Variants in PRMT9 observed in about 807,000 individuals in gnomAD.
The protein encoded by PRMT9 is protein arginine N-methyltransferase 9.
Under a neutral mutation model 83.2 loss-of-function variants are expected in PRMT9, and 59 were observed. That is an observed-to-expected ratio of 0.71 (90% CI 0.57 to 0.88). The LOEUF is 0.88. PRMT9 is among the 40% of genes least tolerant of loss of function. PRMT9 has a pLI of 0.00. For synonymous variants in PRMT9, 333 were observed against 353.2 expected (o/e 0.94, Z 0.64); for missense variants, 947 against 1,021.9 (o/e 0.93, Z 1.00).
At position 147,660,939 on chromosome 4, in the gene PRMT9, A is replaced by C. The variant is rs138913888; in HGVS notation, c.1053T>G (p.Pro351=). 5.7e-5 allele frequency: 92 copies of C among 1,613,120 alleles called. No homozygotes were observed. The African/African-American group carries it at 1.1e-3, about 20-fold the overall frequency. The change falls in exon 7 of 12, where the codon CCT becomes CCG. Residue 351 remains proline (P), a synonymous_variant. Transcript: ENST00000322396. ...SSVDTEETIE[P]YTTEKMSRVP... ...CTCGACTCATCTTTTCAGTTGTATA[A>C]GGTTCAATTGTTTCTTCAGTATCTA...
At chr4:147,681,800 C>T (rs1736488315) in intron 1 of PRMT9, among the ~76,000 whole-genome samples, 1 of 151,416 alleles carries the variant, frequency 6.6e-6, no homozygotes, top group Non-Finnish European at 1.5e-5. Context: ...AAAAAAAACC[C>T]CGCACAGATT....
At position 147,657,837 on chromosome 4, in the gene PRMT9, C is replaced by T; in HGVS notation, c.1285G>A (p.Glu429Lys). Residue 429 changes from glutamate to lysine, a missense_variant, in exon 8 of 12, where the codon GAA becomes AAA. Glu to Lys is a moderately conservative substitution (Grantham distance 56). Coordinates refer to ENST00000322396, the MANE Select transcript of PRMT9 (RefSeq NM_138364.4). ...EHSLSTSPSE[E>K]TCWEQAVYPV... Reference sequence around the variant, plus strand: ...TAGACAGCCTGTTCCCAACATGTTTCCTCACTAGGACTTGTGGATAAACTA... The same window carrying T: ...TAGACAGCCTGTTCCCAACATGTTTTCTCACTAGGACTTGTGGATAAACTA... The T allele has an allele frequency of 6.8e-6, 11 of 1,611,586 alleles. No homozygotes were observed. The highest frequency in any genetic ancestry group is 9.3e-6 in the Non-Finnish European group (11 of 1,179,670).
chr4:147,653,747 TCTTGA>T (rs748609949), intron 9 of PRMT9, 100 bp downstream of exon 9: 3 of 787,662 alleles, frequency 3.8e-6, no homozygotes, highest in Non-Finnish European at 6.3e-6. Context: ...CATACAGTGA[TCTTGA>T]CTTATTTTTA....
Position 147,673,105 on chromosome 4 carries a change from T to C in PRMT9, c.597A>G (p.Gly199=), listed in dbSNP as rs775547711. 2.5e-6 allele frequency: 4 copies of C among 1,613,990 alleles called. No individual in the cohort carries two copies. The South Asian group carries it at 3.3e-5, about 13-fold the overall frequency. The part of the protein sequence containing the change: ...GILSMFAKKA[G]AHSVYACELS... Reference sequence around the variant, plus strand: ...ACTCACAGGCATACACGGAATGTGCTCCAGCTTTTTTAGCAAACATGCTAC... The same window carrying C: ...ACTCACAGGCATACACGGAATGTGCCCCAGCTTTTTTAGCAAACATGCTAC... Residue 199 remains glycine, a synonymous_variant, in exon 4 of 12, where the codon GGA becomes GGG. Transcript: ENST00000322396.
At chr4:147,669,100 T>C (rs1471182350) in intron 5 of PRMT9, among the ~76,000 whole-genome samples, 1 of 150,406 alleles carries the variant, frequency 6.6e-6, no homozygotes, top group Non-Finnish European at 1.5e-5. Flanking sequence ...AAAAAAAAAG[T>C]ATTTTTGGCC....
intron 6 of PRMT9, among the ~76,000 whole-genome samples, chr4:147,668,142 A>G (rs1380430349): frequency 1.3e-5 from 2 of 152,204 alleles, no homozygotes; most frequent in East Asian, 3.8e-4. Context: ...ATAGTCACTT[A>G]CTGATATGGT....
chr4:147,673,507 T>G (rs1432751371), intron 3 of PRMT9, 131 bp downstream of exon 3: 1 of 720,486 alleles, frequency 1.4e-6, no homozygotes, highest in Non-Finnish European at 2.4e-6. Flanking sequence ...AACATAATAG[T>G]TACATAAATA....
intron 2 of PRMT9, among the ~76,000 whole-genome samples, chr4:147,678,968 C>T (rs1337838545): frequency 6.6e-6 from 1 of 152,222 alleles, no homozygotes; most frequent in Non-Finnish European, 1.5e-5. Flanking sequence ...ATGGTGAGGC[C>T]TGTGAGCCCT....
chr4:147,654,240 G>T lies in PRMT9; in HGVS notation c.1657C>A (p.Leu553Met). The part of the protein sequence containing the change: ...KVLSSLTPEK[L>M]YQTMDTHCQN... ...CAGTGAGTATCCATGGTCTGATACA[G>T]TTTCTCTGGAGTCAGTGAAGACAAA... The change falls in exon 9 of 12, where the codon CTG (leucine) becomes ATG (methionine). Residue 553 changes from leucine to methionine, a missense_variant. By Grantham distance (15) the Leu-to-Met change is conservative. Coordinates refer to ENST00000322396, the MANE Select transcript of PRMT9 (RefSeq NM_138364.4). The T allele has an allele frequency of 6.2e-7, 1 of 1,614,184 alleles. No homozygotes were observed. The highest frequency in any genetic ancestry group is 8.5e-7 in the Non-Finnish European group (1 of 1,180,014).
At chr4:147,658,126 C>A in intron 7 of PRMT9, 151 bp from the exon 8 acceptor site, 1 of 596,336 alleles carries the variant, frequency 1.7e-6, no homozygotes, top group South Asian at 2.2e-5. Flanking sequence ...ATGTAAGGCC[C>A]ACTGGTTGGG....
At chr4:147,656,771 C>CAAAAAAAAAAAAAAAAAAAAAAAAA (rs1023416920) in intron 8 of PRMT9, among the ~76,000 whole-genome samples, 5 of 47,950 alleles carry the variant, frequency 1.0e-4, no homozygotes, top group Non-Finnish European at 1.3e-4. Flanking sequence ...GACTCTGTCT[C>CAAAAAAAAAAAAAAAAAAAAAAAAA]AAAAAAAAAA....
chr4:147,676,791 G>A (rs976767356), intron 2 of PRMT9, among the ~76,000 whole-genome samples: 1 of 151,894 alleles, frequency 6.6e-6, no homozygotes, highest in Non-Finnish European at 1.5e-5. Flanking sequence ...CATGTCTTTG[G>A]GCGCCACTTT....
chr4:147,663,671 A>G (rs1417414376), intron 6 of PRMT9, among the ~76,000 whole-genome samples: 2 of 152,090 alleles, frequency 1.3e-5, no homozygotes, highest in African/African-American at 4.8e-5. Context: ...CAGCCAGACA[A>G]TTTCTTGCTA....
chr4:147,676,559 C>T (rs942687897), intron 2 of PRMT9, among the ~76,000 whole-genome samples: 2 of 152,074 alleles, frequency 1.3e-5, no homozygotes, highest in Non-Finnish European at 2.9e-5. Flanking sequence ...TAATTATCTG[C>T]CTTATTTTTC....
At chr4:147,654,952 A>T (rs1366423069) in intron 8 of PRMT9, among the ~76,000 whole-genome samples, 4 of 152,240 alleles carry the variant, frequency 2.6e-5, no homozygotes, top group Non-Finnish European at 5.9e-5. Context: ...AAATTCAGGG[A>T]TAAATATCAA....
intron 6 of PRMT9, among the ~76,000 whole-genome samples, chr4:147,667,345 T>A (rs1197839802): frequency 6.6e-6 from 1 of 152,214 alleles, no homozygotes; most frequent in Non-Finnish European, 1.5e-5. Context: ...GAAGTTGATT[T>A]TTTAAAGTCA....
intron 4 of PRMT9, 116 bp from the exon 5 acceptor site, chr4:147,670,859 T>C: frequency 1.4e-6 from 1 of 710,738 alleles, no homozygotes; most frequent in Non-Finnish European, 2.5e-6. Context: ...ATATGTAATA[T>C]ATCCTAATAC....
At position 147,642,800 on chromosome 4, in the gene PRMT9, A is replaced by T; in HGVS notation, c.2186T>A (p.Ile729Asn). The change falls in exon 10 of 12, where the codon ATT becomes AAT. Residue 729 changes from isoleucine to asparagine, a missense_variant. Coordinates refer to ENST00000322396, the MANE Select transcript of PRMT9 (RefSeq NM_138364.4). ...CTAGACACTTACCTGAAACTGGTTA[A>T]TAAAAGGTGCTATATTTAATCCAAG... ...RTLGLNIAPF[I>N]NQFQVPIRVF... 6.2e-7 allele frequency: 1 copy of T among 1,613,846 alleles called. No individual in the cohort carries two copies. The highest frequency in any genetic ancestry group is 8.5e-7 in the Non-Finnish European group (1 of 1,179,726).
intron 7 of PRMT9, among the ~76,000 whole-genome samples, chr4:147,659,594 CTGAG>C (rs1734804548): frequency 7.3e-6 from 1 of 137,894 alleles, no homozygotes; most frequent in East Asian, 2.1e-4. Flanking sequence ...TTTTTTTTTT[CTGAG>C]ACGGAGTTTC....
Sources: allele counts gnomAD v4.1 joint callset (sites outside exome capture counted in the v4.1 genomes callset), GRCh38; gene constraint gnomAD v4.1.1; transcripts MANE v1.5; gene names NCBI Gene and HGNC (gene_info 2026-07-23, HGNC 2026-07-21).